The following BMPR1B variants were observed in gnomAD, a reference collection of about 807,000 sequenced individuals.
BMPR1B encodes bone morphogenetic protein receptor type 1B.
A neutral mutation model predicts 59.1 loss-of-function variants in BMPR1B; 12 were observed. That is an observed-to-expected ratio of 0.20 (90% CI 0.13 to 0.33). BMPR1B has a LOEUF of 0.33. Among genes scored for constraint, BMPR1B ranks in the 10% least tolerant of loss-of-function variants. The pLI is 1.00. For missense variants in BMPR1B, 550 were observed against 610.9 expected, an observed-to-expected ratio of 0.90 and a Z score of 1.05; for synonymous variants, 237 against 207.3, an observed-to-expected ratio of 1.14 and a Z score of -1.23.
intron 2 of BMPR1B, among the ~76,000 whole-genome samples, chr4:94,892,702 A>G (rs1293283503): frequency 6.6e-6 from 1 of 152,086 alleles, no homozygotes; most frequent in Non-Finnish European, 1.5e-5. Context: ...TTAGTGAGAG[A>G]TGGAGAAATA....
chr4:94,894,998 C>A (rs1727531943), intron 2 of BMPR1B, among the ~76,000 whole-genome samples: 1 of 151,824 alleles, frequency 6.6e-6, no homozygotes. Flanking sequence ...CTGCAAGTAC[C>A]ATGATACAGA....
At chr4:94,977,403 C>T (rs1560576371) in intron 2 of BMPR1B, among the ~76,000 whole-genome samples, 1 of 150,086 alleles carries the variant, frequency 6.7e-6, no homozygotes, top group African/African-American at 2.4e-5. Flanking sequence ...GAAGCTCTTT[C>T]TTATTTTGAG....
At chr4:94,995,732 G>A (rs1722014984) in intron 2 of BMPR1B, 1 of 152,174 alleles carries the variant, frequency 6.6e-6, no homozygotes, top group African/African-American at 2.4e-5. Flanking sequence ...CTGTAAAGCT[G>A]GCAGCAGAAT....
chr4:94,918,554 T>C (rs1412853562), intron 2 of BMPR1B, among the ~76,000 whole-genome samples: 5 of 151,964 alleles, frequency 3.3e-5, no homozygotes, highest in African/African-American at 1.2e-4. Context: ...CACACGCCTG[T>C]AGTCCTAGCT....
At position 95,134,708 on chromosome 4, in the gene BMPR1B, T is replaced by C. The variant is rs1733638596; in HGVS notation, c.1076+3196T>C. On this transcript the variant is annotated intron_variant, in intron 10 of 12. Transcript: ENST00000515059. Reference sequence around the variant, plus strand: ...TTCATATCCTTCGCCCACTTTTTGATGGGGTTGTTTTTTTCTTGTAAATTT... The same window carrying C: ...TTCATATCCTTCGCCCACTTTTTGACGGGGTTGTTTTTTTCTTGTAAATTT... Among the ~76,000 whole-genome samples, 7 of 152,270 alleles carry C rather than the reference T, an allele frequency of 4.6e-5. No individual in the cohort carries two copies. The South Asian group carries it at 1.4e-3, about 32-fold the overall frequency.
At chr4:94,915,211 A>C (rs1301683858) in intron 2 of BMPR1B, among the ~76,000 whole-genome samples, 1 of 152,190 alleles carries the variant, frequency 6.6e-6, no homozygotes, top group Non-Finnish European at 1.5e-5. Flanking sequence ...TGAATATTTG[A>C]TCACTCATCT....
intron 1 of BMPR1B, among the ~76,000 whole-genome samples, chr4:94,837,118 A>C (rs1170081239): frequency 6.9e-6 from 1 of 144,676 alleles, no homozygotes; most frequent in Non-Finnish European, 1.5e-5. Context: ...ATTGATCTAT[A>C]TCTCTGTTTT....
intron 2 of BMPR1B, among the ~76,000 whole-genome samples, chr4:94,912,796 C>T (rs1051300614): frequency 4.6e-5 from 7 of 152,090 alleles, no homozygotes; most frequent in African/African-American, 7.2e-5. Flanking sequence ...TTTCTCTCTT[C>T]AGCTGATTTG....
At chr4:95,154,162 A>G (rs1735248905) in intron 12 of BMPR1B, among the ~76,000 whole-genome samples, 1 of 152,248 alleles carries the variant, frequency 6.6e-6, no homozygotes, top group African/African-American at 2.4e-5. Context: ...GCAGACAGCT[A>G]TGATTTAGGA....
intron 1 of BMPR1B, among the ~76,000 whole-genome samples, chr4:94,859,922 G>A (rs1324244210): frequency 6.6e-6 from 1 of 151,914 alleles, no homozygotes; most frequent in African/African-American, 2.4e-5. Context: ...CTTTTCCTGG[G>A]TCTCCAGGAG....
chr4:94,806,100 T>G (rs2110630540), intron 1 of BMPR1B, among the ~76,000 whole-genome samples: 1 of 152,288 alleles, frequency 6.6e-6, no homozygotes, highest in South Asian at 2.1e-4. Context: ...GTGGGAGAAC[T>G]TGTAAGTGTG....
intron 2 of BMPR1B, among the ~76,000 whole-genome samples, chr4:94,960,486 G>C (rs1002049375): frequency 6.6e-6 from 1 of 152,202 alleles, no homozygotes; most frequent in Non-Finnish European, 1.5e-5. Flanking sequence ...CGTAACAGAA[G>C]AGAAAAATAT....
At chr4:95,032,380 G>A (rs1422843686) in intron 3 of BMPR1B, among the ~76,000 whole-genome samples, 1 of 152,078 alleles carries the variant, frequency 6.6e-6, no homozygotes, top group East Asian at 1.9e-4. Flanking sequence ...TTACTCTCAT[G>A]ATGACATCTA....
intron 4 of BMPR1B, among the ~76,000 whole-genome samples, chr4:95,106,783 G>T (rs1731225103): frequency 1.3e-5 from 2 of 151,990 alleles, no homozygotes; most frequent in African/African-American, 4.8e-5. Flanking sequence ...GATAACCTCA[G>T]AACCACAGTG....
At chr4:95,072,437 T>A (rs1019524883) in intron 3 of BMPR1B, among the ~76,000 whole-genome samples, 2 of 152,178 alleles carry the variant, frequency 1.3e-5, no homozygotes, top group African/African-American at 4.8e-5. Flanking sequence ...TCAGGAAGCA[T>A]CTTAGGCTTA....
At chr4:95,124,951 A>C in intron 7 of BMPR1B, 32 bp from the exon 8 acceptor site, 1 of 1,593,076 alleles carries the variant, frequency 6.3e-7, no homozygotes, top group Non-Finnish European at 8.6e-7. Context: ...GCATTTCATT[A>C]TCTAAAATTA....
intron 2 of BMPR1B, among the ~76,000 whole-genome samples, chr4:94,896,822 G>A (rs1041752389): frequency 6.6e-6 from 1 of 152,068 alleles, no homozygotes; most frequent in African/African-American, 2.4e-5. Context: ...CCTATTGTAA[G>A]GAGAGGCTTG....
chr4:95,025,112 G>C (rs141516149), intron 3 of BMPR1B, among the ~76,000 whole-genome samples: 1 of 152,140 alleles, frequency 6.6e-6, no homozygotes, highest in African/African-American at 2.4e-5. Flanking sequence ...GAAAGAGGAA[G>C]AAGTAAGTAT....
At chr4:94,967,787 A>G (rs1199064484) in intron 2 of BMPR1B, among the ~76,000 whole-genome samples, 1 of 152,248 alleles carries the variant, frequency 6.6e-6, no homozygotes, top group African/African-American at 2.4e-5. Flanking sequence ...CTGGCCTAGA[A>G]TAGATAACTT....
Sources: gnomAD v4.1 joint callset for allele counts (sites outside exome capture counted in the v4.1 genomes callset) on GRCh38, gnomAD v4.1.1 for gene constraint, MANE v1.5 for transcripts, NCBI Gene and HGNC (gene_info 2026-07-23, HGNC 2026-07-21) for gene names.